The following PDE1A variants were observed in gnomAD, a reference collection of about 807,000 sequenced individuals.
The protein encoded by PDE1A is dual specificity calcium/calmodulin-dependent 3',5'-cyclic nucleotide phosphodiesterase 1A.
In PDE1A, 35 loss-of-function variants were observed where a neutral mutation model predicts 61.7. The observed-to-expected ratio is 0.57, with a 90% CI of 0.43 to 0.75. The LOEUF (loss-of-function observed/expected upper bound fraction) is 0.75. Among genes scored for constraint, PDE1A ranks in the 30% least tolerant of loss-of-function variants. PDE1A has a pLI of 0.00. For synonymous variants in PDE1A, 232 were observed against 213.2 expected (o/e 1.09, Z -0.77); for missense variants, 597 against 630.6 (o/e 0.95, Z 0.57).
At chr2:182,284,974 C>T (rs1382608758) in intron 1 of PDE1A, among the ~76,000 whole-genome samples, 1 of 152,114 alleles carries the variant, frequency 6.6e-6, no homozygotes, top group Non-Finnish European at 1.5e-5. Context: ...GGATAGTTAG[C>T]CATGCACTTT....
chr2:182,214,287 C>A (rs1484252839), intron 7 of PDE1A, among the ~76,000 whole-genome samples: 2 of 151,854 alleles, frequency 1.3e-5, no homozygotes, highest in South Asian at 4.2e-4. Flanking sequence ...AAAGGAACAA[C>A]CAGTACCAGC....
intron 1 of PDE1A, among the ~76,000 whole-genome samples, chr2:182,383,213 C>T (rs10176807): frequency 6.6e-6 from 1 of 152,172 alleles, no homozygotes; most frequent in African/African-American, 2.4e-5. Flanking sequence ...ACCCATACTT[C>T]AAGACATATT....
At chr2:182,568,031 C>T in the PDE1A span, among the ~76,000 whole-genome samples, 17 of 152,062 alleles carry the variant, frequency 1.1e-4, 1 homozygote, top group African/African-American at 4.1e-4. Context: ...GACCTCTTGA[C>T]CTCATGATTC....
intron 4 of PDE1A, among the ~76,000 whole-genome samples, 174 bp downstream of exon 4, chr2:182,234,258 A>G (rs1185594086): frequency 6.6e-6 from 1 of 152,182 alleles, no homozygotes; most frequent in African/African-American, 2.4e-5. Context: ...TTGAATCTAC[A>G]GTGAGTCATG....
At chr2:182,237,748 A>G (rs1690147821) in intron 3 of PDE1A, among the ~76,000 whole-genome samples, 1 of 152,220 alleles carries the variant, frequency 6.6e-6, no homozygotes, top group Non-Finnish European at 1.5e-5. Flanking sequence ...TAAAAGGGCC[A>G]GCCCGCCATG....
the PDE1A span, among the ~76,000 whole-genome samples, chr2:182,578,350 T>C: frequency 6.6e-6 from 1 of 152,190 alleles, no homozygotes; most frequent in Non-Finnish European, 1.5e-5. Context: ...TCATCTGAGT[T>C]TCTTACAAAT....
the PDE1A span, among the ~76,000 whole-genome samples, chr2:182,711,352 A>G: frequency 6.6e-6 from 1 of 152,170 alleles, no homozygotes; most frequent in African/African-American, 2.4e-5. Context: ...CAGACAGAAG[A>G]GCTACATTTA....
chr2:182,245,220 C>T (rs964441304), intron 2 of PDE1A, among the ~76,000 whole-genome samples: 4 of 152,128 alleles, frequency 2.6e-5, no homozygotes, highest in Non-Finnish European at 5.9e-5. Context: ...ACAGAAAAAT[C>T]GAGTGTATAG....
At chr2:182,546,285 A>C in the PDE1A span, among the ~76,000 whole-genome samples, 2 of 152,194 alleles carry the variant, frequency 1.3e-5, no homozygotes, top group South Asian at 4.1e-4. Flanking sequence ...TGTCTGATAC[A>C]CACCTAGACA....
At chr2:182,236,064 G>C (rs921239853) in intron 3 of PDE1A, among the ~76,000 whole-genome samples, 1 of 152,122 alleles carries the variant, frequency 6.6e-6, no homozygotes, top group South Asian at 2.1e-4. Flanking sequence ...TGATGAAGTA[G>C]CTCTCCATTT....
At chr2:182,237,758 G>A (rs1690149155) in intron 3 of PDE1A, among the ~76,000 whole-genome samples, 1 of 152,210 alleles carries the variant, frequency 6.6e-6, no homozygotes, top group South Asian at 2.1e-4. Context: ...AGCCCGCCAT[G>A]TTGAAGGGTG....
chr2:182,378,556 T>C (rs1268312395), intron 1 of PDE1A, among the ~76,000 whole-genome samples: 1 of 152,190 alleles, frequency 6.6e-6, no homozygotes, highest in Non-Finnish European at 1.5e-5. Flanking sequence ...TCTAATACTC[T>C]TGTCATGACC....
chr2:182,182,207 A>C (rs1218967494), intron 13 of PDE1A, among the ~76,000 whole-genome samples: 1 of 152,214 alleles, frequency 6.6e-6, no homozygotes, highest in East Asian at 1.9e-4. Context: ...ATATAATTTT[A>C]CCTATATACA....
chr2:182,235,121 TTTTTTG>T (rs955269006), intron 3 of PDE1A, among the ~76,000 whole-genome samples: 8 of 151,960 alleles, frequency 5.3e-5, no homozygotes, highest in East Asian at 1.9e-4. Context: ...ACAAAAGTGG[TTTTTTG>T]TTTTTGTTTT....
chr2:182,198,358 T>C (rs1315033497), intron 10 of PDE1A, among the ~76,000 whole-genome samples: 36 of 151,878 alleles, frequency 2.4e-4, no homozygotes, highest in Non-Finnish European at 1.5e-5. Flanking sequence ...TACTTTGTTT[T>C]TTATTACCTT....
chr2:182,494,975 T>C (rs1330885032), intron 2 of PDE1A, among the ~76,000 whole-genome samples: 1 of 152,182 alleles, frequency 6.6e-6, no homozygotes, highest in African/African-American at 2.4e-5. Context: ...TCTAAGGCTA[T>C]CCTCTACCTG....
intron 1 of PDE1A, among the ~76,000 whole-genome samples, chr2:182,425,877 T>A (rs960044593): frequency 1.3e-5 from 2 of 152,228 alleles, no homozygotes; most frequent in East Asian, 3.8e-4. Context: ...TACTTTTAAA[T>A]TATTTTTTAT....
intron 2 of PDE1A, among the ~76,000 whole-genome samples, chr2:182,509,846 G>C (rs1331532006): frequency 6.6e-6 from 1 of 152,126 alleles, no homozygotes; most frequent in Non-Finnish European, 1.5e-5. Flanking sequence ...AGAAAGTCCA[G>C]TTTTAAATGG....
the PDE1A span, among the ~76,000 whole-genome samples, chr2:182,617,292 G>A: frequency 6.6e-5 from 10 of 152,138 alleles, no homozygotes; most frequent in Non-Finnish European, 1.3e-4. Flanking sequence ...GATTGAGTAA[G>A]CTTCCCTGTG....
Sources: gnomAD v4.1 joint callset for allele counts (sites outside exome capture counted in the v4.1 genomes callset) on GRCh38, gnomAD v4.1.1 for gene constraint, MANE v1.5 for transcripts, NCBI Gene and HGNC (gene_info 2026-07-23, HGNC 2026-07-21) for gene names.